The following INPP4B variants were observed in gnomAD, a reference collection of about 807,000 sequenced individuals.
INPP4B encodes the protein inositol polyphosphate-4-phosphatase type II B.
INPP4B carries 55 observed loss-of-function variants against 122.5 expected under a neutral mutation model. The ratio of observed to expected loss-of-function variants is 0.45; its 90% CI spans 0.36 to 0.56. INPP4B has a LOEUF of 0.56. INPP4B is among the 20% of genes least tolerant of loss of function. INPP4B has a pLI of 0.00. For missense variants in INPP4B, 1,000 were observed against 1,097.7 expected (o/e 0.91, Z 1.26); for synonymous variants, 403 against 388.7 (o/e 1.04, Z -0.43).
At chr4:142,067,636 A>G (rs141821628) in intron 25 of INPP4B, among the ~76,000 whole-genome samples, 3,886 of 152,296 alleles carry the variant, frequency 0.026, 184 homozygotes, top group African/African-American at 0.089. Context: ...AAGTCCTTAA[A>G]TGACCTAATG....
chr4:142,783,621 T>TA (rs1775252148), intron 1 of INPP4B, among the ~76,000 whole-genome samples: 2 of 152,170 alleles, frequency 1.3e-5, no homozygotes, highest in South Asian at 4.1e-4. Context: ...TTTTATTAAA[T>TA]ATCACATTTT....
chr4:142,152,590 TTTC>T (rs1352436823), intron 17 of INPP4B, among the ~76,000 whole-genome samples: 2 of 152,118 alleles, frequency 1.3e-5, no homozygotes, highest in Non-Finnish European at 2.9e-5. Context: ...AATTTCAAAA[TTTC>T]TTCTTCTTTC....
At chr4:142,112,766 G>A in intron 21 of INPP4B, 84 bp from the exon 22 acceptor site, 1 of 1,357,080 alleles carries the variant, frequency 7.4e-7, no homozygotes, top group South Asian at 1.4e-5. Context: ...AACATTAAAA[G>A]GGTTGGAATA....
chr4:142,658,781 T>A (rs1203876166), intron 2 of INPP4B, among the ~76,000 whole-genome samples: 1 of 152,170 alleles, frequency 6.6e-6, no homozygotes, highest in Non-Finnish European at 1.5e-5. Context: ...TCATACCTCA[T>A]CTATGCAGTC....
At chr4:142,220,649 G>C (rs1432211784) in intron 12 of INPP4B, among the ~76,000 whole-genome samples, 2 of 152,172 alleles carry the variant, frequency 1.3e-5, no homozygotes, top group Admixed American at 6.5e-5. Context: ...TTTGGAGCCT[G>C]TTTTAGTTTG....
At chr4:142,097,211 T>TTTTATG (rs1553969011) in intron 23 of INPP4B, among the ~76,000 whole-genome samples, 6 of 62,602 alleles carry the variant, frequency 9.6e-5, no homozygotes, top group Non-Finnish European at 2.8e-4. Context: ...CCATTTTTTG[T>TTTTATG]TTATTTTATG....
At chr4:142,636,146 C>T (rs991818601) in intron 2 of INPP4B, among the ~76,000 whole-genome samples, 1 of 152,078 alleles carries the variant, frequency 6.6e-6, no homozygotes, top group South Asian at 2.1e-4. Context: ...CATTCTGCCT[C>T]CTGCTGCCCT....
At chr4:142,428,713 G>T (rs1200522140) in intron 5 of INPP4B, among the ~76,000 whole-genome samples, 1 of 152,016 alleles carries the variant, frequency 6.6e-6, no homozygotes, top group Non-Finnish European at 1.5e-5. Flanking sequence ...AAATGTCACT[G>T]GCATTTTCAC....
chr4:142,040,209 G>C (rs28622026), intron 25 of INPP4B, among the ~76,000 whole-genome samples: 5,851 of 152,146 alleles, frequency 0.038, 384 homozygotes, highest in African/African-American at 0.13. Flanking sequence ...GTCCAGGAGG[G>C]TGAAGCCTTG....
At chr4:142,112,289 C>A (rs1318118606) in intron 22 of INPP4B, among the ~76,000 whole-genome samples, 1 of 152,130 alleles carries the variant, frequency 6.6e-6, no homozygotes, top group Non-Finnish European at 1.5e-5. Context: ...GAAGGTTAAT[C>A]CATGCAAATG....
Position 142,270,639 on chromosome 4 carries a change from A to G in INPP4B, c.615+24T>C, listed in dbSNP as rs761528661. On this transcript the variant is annotated intron_variant, in intron 10 of 25. Coordinates refer to ENST00000262992, the MANE Select transcript of INPP4B (RefSeq NM_001101669.3). ...GCTGATCATTTTTAATTTAATTTGT[A>G]CAATGAGCAGACTGAGATCCTACCT... 1.1e-5 allele frequency: 16 copies of G among 1,409,344 alleles called. No individual in the cohort carries two copies. The South Asian group carries it at 1.7e-4, about 15-fold the overall frequency. The allele number at this position is 1,409,344 out of a possible 1,614,324, so 87.3% of individuals were successfully genotyped here.
chr4:142,255,061 A>C (rs1734970278), intron 11 of INPP4B, among the ~76,000 whole-genome samples: 1 of 150,604 alleles, frequency 6.6e-6, no homozygotes, highest in African/African-American at 2.5e-5. Flanking sequence ...AACATTCTTA[A>C]AGAAAAGAAT....
At position 142,239,973 on chromosome 4, in the gene INPP4B, T is replaced by A. The variant is rs533378657; in HGVS notation, c.689-1962A>T. Among the ~76,000 whole-genome samples the A allele has an allele frequency of 3.3e-5, 5 of 152,146 alleles. No homozygotes were observed. In the East Asian group the frequency reaches 9.6e-4, roughly 29 times the overall value. ...TTGCCTTTTATACATCAATAATAAT[T>A]TTTTAGAAAAACTGTATTTTTAATT... On this transcript the variant is annotated intron_variant, in intron 11 of 25. Coordinates refer to ENST00000262992, the MANE Select transcript of INPP4B (RefSeq NM_001101669.3).
intron 1 of INPP4B, among the ~76,000 whole-genome samples, chr4:142,761,056 A>C (rs981087546): frequency 2.6e-5 from 4 of 152,120 alleles, no homozygotes; most frequent in African/African-American, 9.7e-5. Flanking sequence ...CAACATGAAC[A>C]CATACTCACA....
At chr4:142,185,249 A>C (rs1375117943) in intron 15 of INPP4B, among the ~76,000 whole-genome samples, 4 of 152,108 alleles carry the variant, frequency 2.6e-5, no homozygotes, top group African/African-American at 9.7e-5. Context: ...CTTTTTATTA[A>C]GGAAAATAAC....
chr4:142,225,083 C>G (rs866068817), intron 12 of INPP4B, among the ~76,000 whole-genome samples: 1 of 151,892 alleles, frequency 6.6e-6, no homozygotes, highest in East Asian at 1.9e-4. Context: ...AGAGGAAGAC[C>G]CACCCATAAT....
At chr4:142,579,881 AGAT>A (rs1734675132) in intron 2 of INPP4B, among the ~76,000 whole-genome samples, 3 of 96,226 alleles carry the variant, frequency 3.1e-5, no homozygotes, top group African/African-American at 1.1e-4. Flanking sequence ...ATAGGTAGGT[AGAT>A]AGATAGATAG....
intron 9 of INPP4B, among the ~76,000 whole-genome samples, chr4:142,300,376 TTTGTTG>T (rs568737253): frequency 1.3e-5 from 2 of 152,124 alleles, no homozygotes; most frequent in South Asian, 2.1e-4. Context: ...TATGTGGAAT[TTTGTTG>T]TTGTTGTTGT....
rs1447804410 is a variant in INPP4B, at chr4:142,700,879, T to C, written c.-191+24960A>G. Among the ~76,000 whole-genome samples the C allele has an allele frequency of 3.3e-5, 5 of 152,126 alleles. No homozygotes were observed. In the East Asian group the frequency reaches 9.6e-4, roughly 29 times the overall value. Reference sequence around the variant, plus strand: ...AGATAATATTATACCTAAAATATTATAAAATATTGATACCCAGATGATTTA... The same window carrying C: ...AGATAATATTATACCTAAAATATTACAAAATATTGATACCCAGATGATTTA... On this transcript the variant is annotated intron_variant, in intron 2 of 25. Transcript: ENST00000262992.
Sources: gnomAD v4.1 joint callset for allele counts (sites outside exome capture counted in the v4.1 genomes callset) on GRCh38, gnomAD v4.1.1 for gene constraint, MANE v1.5 for transcripts, NCBI Gene and HGNC (gene_info 2026-07-23, HGNC 2026-07-21) for gene names.